EBF3: variants seen among roughly 807,000 people sequenced by gnomAD.
EBF3 encodes the protein EBF transcription factor 3, also known as transcription factor COE3.
A neutral mutation model predicts 77.1 loss-of-function variants in EBF3; 18 were observed. That is an observed-to-expected ratio of 0.23 (90% CI 0.16 to 0.35). EBF3 has a LOEUF of 0.35. Among genes scored for constraint, EBF3 ranks in the 10% least tolerant of loss-of-function variants. The pLI, the probability that EBF3 is intolerant of heterozygous loss-of-function variation, is 1.00. For missense variants in EBF3, 558 were observed against 860.0 expected, an observed-to-expected ratio of 0.65 and a Z score of 4.39; for synonymous variants, 350 against 343.5, an observed-to-expected ratio of 1.02 and a Z score of -0.21.
intron 6 of EBF3, among the ~76,000 whole-genome samples, chr10:129,927,834 T>C (rs1030163598): frequency 2.0e-5 from 3 of 152,172 alleles, no homozygotes; most frequent in African/African-American, 7.2e-5. Flanking sequence ...CCCACGTCTG[T>C]GCACGATGCT....
rs1849699945 is a variant in EBF3, at chr10:129,837,779, AAAATC to A, written c.*159_*163del. 1.2e-6 allele frequency: 1 copy of A among 867,092 alleles called. No individual in the cohort carries two copies. Among genetic ancestry groups the A allele is most frequent in the Non-Finnish European group, 1.8e-6 (1 of 559,010 alleles). 53.7% of individuals were successfully genotyped at this position (867,092 alleles called of 1,614,324 possible). A position where few individuals can be genotyped will look rare whatever the true frequency, so the allele number is the denominator to read the frequency against. On this transcript the variant is annotated 3_prime_UTR_variant, in exon 17 of 17. Coordinates refer to ENST00000440978, the MANE Select transcript of EBF3 (RefSeq NM_001375380.1). ...CATGTTGATTCTTAATAGTTTAAATAAAATCTTTAAACAAAGTCTTTTGTAGCATT... is the reference window on the plus strand; with the variant it reads ...CATGTTGATTCTTAATAGTTTAAATATTTAAACAAAGTCTTTTGTAGCATT...
In EBF3 at chr10:129,867,854, G is replaced by A. The variant is rs61729248; in HGVS notation, c.840C>T (p.Thr280=). The change falls in exon 9 of 17, where the codon ACC becomes ACT. Residue 280 remains threonine (T), a synonymous_variant. Transcript: ENST00000440978. The part of the protein sequence containing the change: ...PSEGWTTGGA[T]VIIIGDNFFD... ...AGAAGTTGTCGCCAATTATGATGAC[G>A]GTGGCACCCCCCGTGGTCCAGCCTT... 1.6e-4 allele frequency: 259 copies of A among 1,614,110 alleles called. No homozygotes were observed. Among genetic ancestry groups the A allele is most frequent in the Non-Finnish European group, 2.1e-4 (246 of 1,180,050 alleles).
Position 129,877,748 on chromosome 10 carries a change from T to C in EBF3, c.636+20A>G. On this transcript the variant is annotated intron_variant, in intron 7 of 16. Coordinates refer to ENST00000440978, the MANE Select transcript of EBF3 (RefSeq NM_001375380.1). ...TGAAAAGTCAGGACCACGGTCCACG[T>C]GTCTTTGAGAAATGTATACCTGGAA... 2 of 1,608,534 alleles carry C rather than the reference T, an allele frequency of 1.2e-6. No individual in the cohort carries two copies. Among genetic ancestry groups the C allele is most frequent in the Admixed American group, 1.7e-5 (1 of 59,828 alleles).
intron 4 of EBF3, 77 bp downstream of exon 4, chr10:129,962,094 C>A: frequency 1.4e-6 from 2 of 1,382,602 alleles, no homozygotes; most frequent in South Asian, 2.4e-5. Flanking sequence ...ATCCATTTGT[C>A]AGTGCCCTTG....
At chr10:129,839,413 G>C (rs111614412) in intron 15 of EBF3, among the ~76,000 whole-genome samples, 1 of 152,222 alleles carries the variant, frequency 6.6e-6, no homozygotes, top group Non-Finnish European at 1.5e-5. Flanking sequence ...GGCTCTGCCC[G>C]TCACACACAT....
At position 129,836,622 on chromosome 10, in the gene EBF3, T is replaced by TAAAC. The variant is rs1170055887; in HGVS notation, c.*1317_*1320dup. Reference sequence around the variant, plus strand: ...ATAAAAAAAAAAAGGATGGAAAGTCTAAACAATAGCATATTTTTTGAAGTA... The same window carrying TAAAC: ...ATAAAAAAAAAAAGGATGGAAAGTCTAAACAAACAATAGCATATTTTTTGAAGTA... On this transcript the variant is annotated 3_prime_UTR_variant, in exon 17 of 17. Coordinates refer to ENST00000440978, the MANE Select transcript of EBF3 (RefSeq NM_001375380.1). 31 of 84,260 alleles carry TAAAC rather than the reference T, an allele frequency of 3.7e-4. No individual in the cohort carries two copies. Among genetic ancestry groups the TAAAC allele is most frequent in the African/African-American group, 1.6e-3 (31 of 18,896 alleles). 5.2% of individuals were successfully genotyped at this position (84,260 alleles called of 1,614,324 possible).
chr10:129,918,687 C>A (rs954478438), intron 6 of EBF3, among the ~76,000 whole-genome samples: 9 of 152,314 alleles, frequency 5.9e-5, no homozygotes, highest in African/African-American at 1.7e-4. Flanking sequence ...TCAGAGCCAT[C>A]AGGAGTGAAG....
chr10:129,839,357 C>T (rs1392241177), intron 15 of EBF3, among the ~76,000 whole-genome samples, 162 bp from the exon 16 acceptor site: 2 of 152,218 alleles, frequency 1.3e-5, no homozygotes, highest in East Asian at 3.9e-4. Context: ...CTCAGCACCT[C>T]ACAAAGGGCC....
chr10:129,921,217 C>G (rs568220602), intron 6 of EBF3, among the ~76,000 whole-genome samples: 1 of 152,106 alleles, frequency 6.6e-6, no homozygotes, highest in African/African-American at 2.4e-5. Context: ...GCAAGGGGTC[C>G]CTGAAGCAGC....
At chr10:129,940,111 C>T (rs1019690191) in intron 6 of EBF3, among the ~76,000 whole-genome samples, 5 of 152,242 alleles carry the variant, frequency 3.3e-5, no homozygotes, top group African/African-American at 1.2e-4. Context: ...ACTCAAGCCC[C>T]TGCCCAGGCA....
At chr10:129,877,092 G>C (rs1029938810) in intron 7 of EBF3, among the ~76,000 whole-genome samples, 21 of 152,084 alleles carry the variant, frequency 1.4e-4, no homozygotes, top group Non-Finnish European at 4.4e-5. Context: ...GTACTAAGCA[G>C]GTGCAGATCC....
rs1406665094 is a variant in EBF3 at position 129,835,593 on chromosome 10, G to A, written c.*2350C>T. 1 of 152,224 alleles carries A rather than the reference G, an allele frequency of 6.6e-6. No homozygotes were observed. The highest frequency in any genetic ancestry group is 1.5e-5 in the Non-Finnish European group (1 of 68,038). The allele number at this position is 152,224 out of a possible 1,614,324, so 9.4% of individuals were successfully genotyped here. A position where few individuals can be genotyped will look rare whatever the true frequency, so the allele number is the denominator to read the frequency against. ...AAAATGGAGGCAATTTAGTTCCAAA[G>A]TGACTTCTCAGGCTTTCCCATGTAG... On this transcript the variant is annotated 3_prime_UTR_variant, in exon 17 of 17. Coordinates refer to ENST00000440978, the MANE Select transcript of EBF3 (RefSeq NM_001375380.1).
chr10:129,873,956 C>G (rs532581413), intron 7 of EBF3, among the ~76,000 whole-genome samples: 1 of 152,196 alleles, frequency 6.6e-6, no homozygotes, highest in Non-Finnish European at 1.5e-5. Flanking sequence ...GATCTGTTCA[C>G]ATATTGATTA....
intron 6 of EBF3, among the ~76,000 whole-genome samples, chr10:129,946,256 C>T (rs1487220414): frequency 6.6e-6 from 1 of 152,196 alleles, no homozygotes; most frequent in Non-Finnish European, 1.5e-5. Flanking sequence ...CAATAAATTA[C>T]CATAACACAC....
chr10:129,889,946 CTTTTTTTTTTTTTTT>C (rs10665456), intron 6 of EBF3, among the ~76,000 whole-genome samples: 6 of 82,880 alleles, frequency 7.2e-5, no homozygotes, highest in African/African-American at 2.6e-4. Context: ...ATTGAAGTGC[CTTTTTTTTTTTTTTT>C]TTTTTTTTTT....
intron 6 of EBF3, among the ~76,000 whole-genome samples, chr10:129,939,247 CCCT>C (rs1219447513): frequency 1.3e-5 from 2 of 152,172 alleles, no homozygotes; most frequent in African/African-American, 4.8e-5. Context: ...GCAGCCCTGG[CCCT>C]CCTTCCTGCC....
rs760313531 is a variant in EBF3 at position 129,840,856 on chromosome 10, A to G, written c.1549T>C (p.Ser517Pro). Residue 517 changes from serine (S) to proline (P), a missense_variant, in exon 14 of 17, where the codon TCT (serine) becomes CCT (proline). Around this residue, in one of 5 missense-constraint regions of EBF3, gnomAD observed 284 missense variants for 368.3 expected, o/e 0.77. Transcript: ENST00000440978. ...AACAGACACTTACTGCCGTAGGGAG[A>G]GTTAGCGGAGGAGCCATTAAGAAAT... ...PGFLNGSSAN[S>P]PYGIVPSSPT... 3.1e-6 allele frequency: 5 copies of G among 1,613,134 alleles called. No individual in the cohort carries two copies. The Admixed American group carries it at 5.0e-5, about 16-fold the overall frequency.
In EBF3 at chr10:129,952,602, G is replaced by T. The variant is rs190605914; in HGVS notation, c.554+4656C>A. Among the ~76,000 whole-genome samples, 12 of 152,302 alleles carry T rather than the reference G, an allele frequency of 7.9e-5. No homozygotes were observed. The highest frequency in any genetic ancestry group is 1.2e-4 in the Non-Finnish European group (8 of 68,020). ...TTGGATTTAATCACGCTCGTGCAAA[G>T]CCATGAGGGAGGAAGCTTTAAGTTC... is the stretch of plus-strand genomic sequence containing the variant. On this transcript the variant is annotated intron_variant, in intron 6 of 16. Transcript: ENST00000440978. This position sits in a 1 kb window ranked among gnomAD's most constrained non-coding sequence, Gnocchi z 4.7.
chr10:129,881,042 T>C (rs530558594), intron 6 of EBF3, among the ~76,000 whole-genome samples: 3 of 152,324 alleles, frequency 2.0e-5, no homozygotes, highest in East Asian at 1.9e-4. Context: ...TACCCTTTAA[T>C]TGGCTTTTTC....
Sources: gnomAD v4.1 joint callset for allele counts (sites outside exome capture counted in the v4.1 genomes callset) on GRCh38, gnomAD v4.1.1 for gene constraint, gnomAD v4.1.1 regional missense constraint, Gnocchi (gnomAD v3.1) non-coding constraint, MANE v1.5 for transcripts, NCBI Gene and HGNC (gene_info 2026-07-23, HGNC 2026-07-21) for gene names.